Variants in GGTLC1 observed in about 807,000 individuals in gnomAD.
The protein encoded by GGTLC1 is glutathione hydrolase light chain 1.
In GGTLC1, 14 loss-of-function variants were observed where a neutral mutation model predicts 19.5. The observed-to-expected ratio is 0.72, with a 90% CI of 0.47 to 1.12. The LOEUF is 1.12. Ranked by LOEUF, GGTLC1 falls within the 50% of genes most tolerant of loss-of-function variation. GGTLC1 has a pLI of 0.00. For missense variants in GGTLC1, 304 were observed against 309.2 expected (o/e 0.98, Z 0.13); for synonymous variants, 110 against 124.2 (o/e 0.89, Z 0.76).
In GGTLC1 at chr20:23,986,062, C is replaced by T. The variant is rs1357786782; in HGVS notation, c.304+14G>A. ...TCCACCCCAGTCCCCCACCCTCGGA[C>T]CTCCACCCCATACCTGGCTGGATGA... On this transcript the variant is annotated intron_variant, in intron 3 of 5. Transcript: ENST00000335694. The T allele has an allele frequency of 3.1e-6, 5 of 1,613,148 alleles. No homozygotes were observed. Among genetic ancestry groups the T allele is most frequent in the African/African-American group, 2.7e-5 (2 of 74,648 alleles).
intron 1 of GGTLC1, among the ~76,000 whole-genome samples, chr20:23,987,921 C>A (rs1334593147): frequency 1.5e-5 from 2 of 136,022 alleles, no homozygotes; most frequent in Middle Eastern, 3.4e-3. Flanking sequence ...TGGTGGCGGG[C>A]GCCTGTAGTC....
In GGTLC1 at chr20:23,985,302, C is replaced by T. The variant is rs1299966954; in HGVS notation, c.592G>A (p.Ala198Thr). 1 of 1,612,040 alleles carries T rather than the reference C, an allele frequency of 6.2e-7. No homozygotes were observed. Among genetic ancestry groups the T allele is most frequent in the South Asian group, 1.1e-5 (1 of 90,992 alleles). ...HHTQITSTFI[A>T]VVQAIVRMAG... is the part of the protein sequence containing the mutation. ...ATGCGGACGATGGCTTGCACCACAG[C>T]AATGAAGGTGGACGTGATCTGGGTG... The change falls in exon 6 of 6, where the codon GCT becomes ACT. Residue 198 changes from alanine (A) to threonine (T), a missense_variant. Coordinates refer to ENST00000335694, the MANE Select transcript of GGTLC1 (RefSeq NM_178311.3).
Position 23,985,918 on chromosome 20 carries a change from C to T in GGTLC1, c.361G>A (p.Val121Ile). The T allele has an allele frequency of 6.2e-7, 1 of 1,612,018 alleles. No individual in the cohort carries two copies. Among genetic ancestry groups the T allele is most frequent in the Non-Finnish European group, 8.5e-7 (1 of 1,179,864 alleles). Residue 121 changes from valine (V) to isoleucine (I), a missense_variant, in exon 4 of 6, where the codon GTC becomes ATC. Transcript: ENST00000335694. The stretch of plus-strand genomic sequence containing the variant: ...CCGGCAGCTCCCACCACCATCCGGA[C>T]CTGGCCGTCCTGGCCCACCATGATC... ...PTIMVGQDGQ[V>I]RMVVGAAGGT... is the part of the protein sequence containing the mutation.
rs773735331 is a variant in GGTLC1, at chr20:23,985,784, G to C, written c.418-4C>G. The C allele has an allele frequency of 6.2e-7, 1 of 1,612,044 alleles. No individual in the cohort carries two copies. The highest frequency in any genetic ancestry group is 8.5e-7 in the Non-Finnish European group (1 of 1,179,866). On this transcript the variant is annotated splice_region_variant and splice_polypyrimidine_tract_variant and intron_variant, in intron 4 of 5. Coordinates refer to ENST00000335694, the MANE Select transcript of GGTLC1 (RefSeq NM_178311.3). The stretch of plus-strand genomic sequence containing the variant: ...ACCAGAGGTTGTAGATGATGGCCTG[G>C]GGCATGGGAGTGTGATCAGCATGGC...
intron 1 of GGTLC1, chr20:23,986,911 T>C (rs1367950813): frequency 3.7e-5 from 39 of 1,041,996 alleles, no homozygotes; most frequent in Non-Finnish European, 5.0e-5. Context: ...TTTCTAGAGT[T>C]TGCACTGCAT....
chr20:23,987,963 G>T (rs530106914), intron 1 of GGTLC1, among the ~76,000 whole-genome samples: 2 of 132,304 alleles, frequency 1.5e-5, no homozygotes, highest in East Asian at 2.3e-4. Flanking sequence ...GGAGAATGGC[G>T]TGAACCCGGT....
Position 23,985,239 on chromosome 20 carries a change from C to T in GGTLC1, c.655G>A (p.Gly219Ser), listed in dbSNP as rs558105141. 2 of 1,612,050 alleles carry T rather than the reference C, an allele frequency of 1.2e-6. No homozygotes were observed. Among genetic ancestry groups the T allele is most frequent in the Admixed American group, 3.3e-5 (2 of 60,022 alleles). Residue 219 changes from glycine (G) to serine (S), a missense_variant, in exon 6 of 6, where the codon GGT (glycine) becomes AGT (serine). Transcript: ENST00000335694. Reference sequence around the variant, plus strand: ...AATCAGTAGCCAGCAGGTTCCCCACCTTTCCTGGAGTCCGAGGCAGCTGCC... The same window carrying T: ...AATCAGTAGCCAGCAGGTTCCCCACTTTTCCTGGAGTCCGAGGCAGCTGCC... ...GWAAASDSRK[G>S]GEPAGY
Position 23,988,598 on chromosome 20 carries a change from T to G in GGTLC1, c.-35+11A>C. 1 of 955,384 alleles carries G rather than the reference T, an allele frequency of 1.0e-6. No homozygotes were observed. Among genetic ancestry groups the G allele is most frequent in the Non-Finnish European group, 1.3e-6 (1 of 796,432 alleles). The allele number at this position is 955,384 out of a possible 1,614,324, so 59.2% of individuals were successfully genotyped here. On this transcript the variant is annotated intron_variant, in intron 1 of 5. Transcript: ENST00000335694. Reference sequence around the variant, plus strand: ...CTCCCGCCATTGCCAGCAAGTGCCTTGCGCGGGTACCTGGCTGCGCTTATT... The same window carrying G: ...CTCCCGCCATTGCCAGCAAGTGCCTGGCGCGGGTACCTGGCTGCGCTTATT...
chr20:23,988,338 G>A (rs1988068974), intron 1 of GGTLC1, among the ~76,000 whole-genome samples: 1 of 151,500 alleles, frequency 6.6e-6, no homozygotes, highest in Admixed American at 6.6e-5. Flanking sequence ...AAGCCACCAC[G>A]CCCGGCCTCT....
rs754624667 is a variant in GGTLC1 at position 23,985,900 on chromosome 20, C to T, written c.379G>A (p.Ala127Thr). Residue 127 changes from alanine (A) to threonine (T), a missense_variant, in exon 4 of 6, where the codon GCT becomes ACT. By Grantham distance (58) the Ala-to-Thr change is moderately conservative (BLOSUM62 0). Transcript: ENST00000335694. The stretch of plus-strand genomic sequence containing the variant: ...ATGGTGATCTGCGTGCCCCCGGCAG[C>T]TCCCACCACCATCCGGACCTGGCCG... ...QDGQVRMVVG[A>T]AGGTQITMAT... The T allele has an allele frequency of 1.9e-6, 3 of 1,611,918 alleles. No individual in the cohort carries two copies. The highest frequency in any genetic ancestry group is 2.2e-5 in the East Asian group (1 of 44,882).
chr20:23,988,125 A>C (rs1988055014), intron 1 of GGTLC1, among the ~76,000 whole-genome samples: 2 of 140,340 alleles, frequency 1.4e-5, no homozygotes, highest in South Asian at 4.9e-4. Context: ...GCACATCACA[A>C]TCCCTTCCCC....
In GGTLC1 at chr20:23,985,603, G is replaced by A. The variant is rs190649088; in HGVS notation, c.531+64C>T. ...CATTGTCCACTCTGTGATGATCCAG[G>A]CCTCCAGCCCACGATGCCCTGGGGC... is the stretch of plus-strand genomic sequence containing the variant. On this transcript the variant is annotated intron_variant, in intron 5 of 5. Coordinates refer to ENST00000335694, the MANE Select transcript of GGTLC1 (RefSeq NM_178311.3). 2.9e-5 allele frequency: 46 copies of A among 1,609,626 alleles called. No homozygotes were observed. In the East Asian group the frequency reaches 9.4e-4, roughly 33 times the overall value.
chr20:23,986,859 C>T (rs1987958887), intron 1 of GGTLC1: 2 of 1,422,424 alleles, frequency 1.4e-6, no homozygotes, highest in Middle Eastern at 2.6e-4. Context: ...AGCCTCCAGA[C>T]CCTTGCTGCA....
chr20:23,986,101 G>T lies in GGTLC1; in HGVS notation c.279C>A (p.Pro93=), dbSNP rs1255207922. 6.2e-7 allele frequency: 1 copy of T among 1,613,556 alleles called. No individual in the cohort carries two copies. The highest frequency in any genetic ancestry group is 8.5e-7 in the Non-Finnish European group (1 of 1,179,790). ...TSITNEFGVP[P]SPANFIQPGK... is the part of the protein sequence containing the mutation. ...CTGGCTGGATGAAATTGGCAGGTGA[G>T]GGGGGTACCCCAAACTCGTTGGTGA... Residue 93 remains proline (P), a synonymous_variant, in exon 3 of 6, where the codon CCC becomes CCA. Transcript: ENST00000335694.
At chr20:23,987,007 G>A (rs1987967126) in intron 1 of GGTLC1, 1 of 400,544 alleles carries the variant, frequency 2.5e-6, no homozygotes, top group Admixed American at 3.8e-5. Flanking sequence ...CGAAAGTGCT[G>A]AAACCACAAG....
At chr20:23,988,068 A>G (rs1196493788) in intron 1 of GGTLC1, among the ~76,000 whole-genome samples, 5 of 57,734 alleles carry the variant, frequency 8.7e-5, no homozygotes, top group Non-Finnish European at 1.7e-4. Context: ...AAAAAAAAAA[A>G]GAGTCTGGCT....
rs762608646 is a variant in GGTLC1 at position 23,986,082 on chromosome 20, G to A, written c.298C>T (p.Gln100Ter). The change falls in exon 3 of 6, where the codon CAG (glutamine) becomes TAG (stop). Residue 100 changes from glutamine to a stop codon, truncating the protein, a stop_gained. Transcript: ENST00000335694. LOFTEE classifies it high-confidence loss of function. Reference protein sequence around the residue: ...GVPPSPANFIQPGKQPLSSMC... With the variant: ...GVPPSPANFI ...TCGGACCTCCACCCCATACCTGGCT[G>A]GATGAAATTGGCAGGTGAGGGGGGT... The A allele has an allele frequency of 4.3e-6, 7 of 1,613,500 alleles. No individual in the cohort carries two copies. Among genetic ancestry groups the A allele is most frequent in the Middle Eastern group, 1.7e-4 (1 of 6,050 alleles).
intron 1 of GGTLC1, among the ~76,000 whole-genome samples, chr20:23,987,798 C>A (rs1988022289): frequency 6.6e-6 from 1 of 150,770 alleles, no homozygotes; most frequent in Non-Finnish European, 1.5e-5. Flanking sequence ...GAGGCCGAGG[C>A]CTGTAATCCC....
rs1487878432 is a variant in GGTLC1 at position 23,985,273 on chromosome 20, A to G, written c.621T>C (p.Ala207=). The change falls in exon 6 of 6, where the codon GCT becomes GCC. Residue 207 remains alanine, a synonymous_variant. Coordinates refer to ENST00000335694, the MANE Select transcript of GGTLC1 (RefSeq NM_178311.3). ...IAVVQAIVRM[A]GGWAAASDSR... is the part of the protein sequence containing the mutation. ...AGTCCGAGGCAGCTGCCCAGCCACCAGCCATGCGGACGATGGCTTGCACCA... is the reference window on the plus strand; with the variant it reads ...AGTCCGAGGCAGCTGCCCAGCCACCGGCCATGCGGACGATGGCTTGCACCA... The G allele has an allele frequency of 1.9e-6, 3 of 1,612,028 alleles. No homozygotes were observed. Among genetic ancestry groups the G allele is most frequent in the Non-Finnish European group, 2.5e-6 (3 of 1,179,866 alleles).
Sources: allele counts gnomAD v4.1 joint callset (sites outside exome capture counted in the v4.1 genomes callset), GRCh38; gene constraint gnomAD v4.1.1; transcripts MANE v1.5; gene names NCBI Gene and HGNC (gene_info 2026-07-23, HGNC 2026-07-21).